The following ABR variants were observed in gnomAD, a reference collection of about 807,000 sequenced individuals.
ABR encodes ABR activator of RhoGEF and GTPase.
Under a neutral mutation model 107.2 loss-of-function variants are expected in ABR, and 35 were observed. That is an observed-to-expected ratio of 0.33 (90% CI 0.25 to 0.43). ABR has a LOEUF of 0.43. Ranked by LOEUF, ABR falls within the 20% of genes least tolerant of loss-of-function variation. ABR has a pLI of 1.00. For missense variants in ABR, 815 were observed against 1,115.2 expected, an observed-to-expected ratio of 0.73 and a Z score of 3.83; for synonymous variants, 498 against 462.0, an observed-to-expected ratio of 1.08 and a Z score of -1.00.
chr17:1,215,460 C>G (rs2042982237), intron 1 of ABR, among the ~76,000 whole-genome samples: 1 of 152,224 alleles, frequency 6.6e-6, no homozygotes, highest in South Asian at 2.1e-4. Flanking sequence ...GGGCTGGTCT[C>G]CAGCTCCTAG....
intron 6 of ABR, among the ~76,000 whole-genome samples, chr17:1,075,038 A>C (rs1000462866): frequency 2.0e-5 from 3 of 152,226 alleles, no homozygotes; most frequent in African/African-American, 7.2e-5. Context: ...CTCACATATG[A>C]GAGCCCCAAA....
Position 1,027,177 on chromosome 17 carries a change from G to A in ABR, c.1792-14013C>T, listed in dbSNP as rs1300973309. Among the ~76,000 whole-genome samples the A allele has an allele frequency of 1.3e-5, 2 of 152,240 alleles. No homozygotes were observed. Among genetic ancestry groups the A allele is most frequent in the East Asian group, 3.8e-4 (2 of 5,198 alleles). On this transcript the variant is annotated intron_variant, in intron 16 of 22. Transcript: ENST00000302538. This position sits in a 1 kb window ranked among gnomAD's most constrained non-coding sequence, Gnocchi z 4.7. ...GCTTTGGCCTTTGAGGAACCCCCTT[G>A]ATTGGCAGGTTCTCCTCTCCCTGGT... is the stretch of plus-strand genomic sequence containing the variant.
chr17:1,158,665 A>T (rs1253066269), intron 1 of ABR, among the ~76,000 whole-genome samples: 1 of 151,816 alleles, frequency 6.6e-6, no homozygotes, highest in East Asian at 2.0e-4. Flanking sequence ...CGGGAGGCTG[A>T]GGTAGGAGAA....
At chr17:1,105,784 T>G (rs904078041) in intron 2 of ABR, among the ~76,000 whole-genome samples, 3 of 151,976 alleles carry the variant, frequency 2.0e-5, no homozygotes, top group East Asian at 1.9e-4. Context: ...GAGGACTGAT[T>G]GAGTCTGGGA....
chr17:1,194,944 G>A (rs1258966799), intron 1 of ABR, among the ~76,000 whole-genome samples: 5 of 143,816 alleles, frequency 3.5e-5, no homozygotes, highest in African/African-American at 1.0e-4. Context: ...GAGCCACCGC[G>A]CCCGACCCTA....
chr17:1,013,116 C>T lies in ABR; in HGVS notation c.1840G>A (p.Glu614Lys). The T allele has an allele frequency of 6.2e-7, 1 of 1,614,164 alleles. No individual in the cohort carries two copies. The highest frequency in any genetic ancestry group is 8.5e-7 in the Non-Finnish European group (1 of 1,180,010). Residue 614 changes from glutamate (E) to lysine (K), a missense_variant, in exon 17 of 23, where the codon GAG (glutamate) becomes AAG (lysine). This residue lies in a region of ABR where 92 missense variants were observed against 82.3 expected (regional missense o/e 1.12). Coordinates refer to ENST00000302538, the MANE Select transcript of ABR (RefSeq NM_021962.5). The stretch of plus-strand genomic sequence containing the variant: ...CATCCCCGGCTCACCCCGTTCATCT[C>T]AATCACGTCCGTGTGCCAGTTCTTG... ...ETKNWHTDVI[E>K]MNGIKVEFSM...
At chr17:1,016,158 T>C (rs759193505) in intron 16 of ABR, among the ~76,000 whole-genome samples, 1 of 152,188 alleles carries the variant, frequency 6.6e-6, no homozygotes, top group African/African-American at 2.4e-5. Context: ...AAATCGCATA[T>C]ATACCTATTA....
chr17:1,011,808 A>ACAGC lies in ABR; in HGVS notation c.2101+34_2101+37dup, dbSNP rs1485517423. 3 of 1,540,844 alleles carry ACAGC rather than the reference A, an allele frequency of 1.9e-6. No individual in the cohort carries two copies. The highest frequency in any genetic ancestry group is 2.7e-5 in the African/African-American group (2 of 73,402). ...GTCCATCCCACCAGCCTGCTCAGAC[A>ACAGC]CAGCCACACCTGCCCCGGCTGGGCC... On this transcript the variant is annotated intron_variant, in intron 19 of 22. Coordinates refer to ENST00000302538, the MANE Select transcript of ABR (RefSeq NM_021962.5). This position sits in a 1 kb window ranked among gnomAD's most constrained non-coding sequence, Gnocchi z 4.8.
At chr17:1,077,328 A>G (rs1442832418) in intron 6 of ABR, among the ~76,000 whole-genome samples, 1 of 152,182 alleles carries the variant, frequency 6.6e-6, no homozygotes, top group Non-Finnish European at 1.5e-5. Context: ...CGGAGACCGA[A>G]GCAACGTGAA....
At chr17:1,219,256 C>G (rs1360079155) in intron 1 of ABR, among the ~76,000 whole-genome samples, 1 of 151,840 alleles carries the variant, frequency 6.6e-6, no homozygotes, top group Non-Finnish European at 1.5e-5. Flanking sequence ...GTTGACCAGG[C>G]AGGTCTCAAA....
At position 1,148,696 on chromosome 17, in the gene ABR, C is replaced by T. The variant is rs573813530; in HGVS notation, c.62-23329G>A. ...AAGCGCTCCCCACCCTTCCCCGGTC[C>T]GTGGAAAAAGTGTCTTCCACGAAGC... On this transcript the variant is annotated intron_variant, in intron 1 of 22. Transcript: ENST00000302538. The surrounding 1 kb of genome is among the most constrained non-coding windows in gnomAD (Gnocchi z 4.9). 4.6e-5 allele frequency among the ~76,000 whole-genome samples: 7 copies of T among 152,142 alleles called. No individual in the cohort carries two copies. In the East Asian group the frequency reaches 5.8e-4, roughly 13 times the overall value.
intron 1 of ABR, among the ~76,000 whole-genome samples, chr17:1,139,105 ATTTCTC>A (rs1311839619): frequency 2.0e-5 from 3 of 146,398 alleles, no homozygotes; most frequent in Admixed American, 1.4e-4. Context: ...CAGTAAAGGA[ATTTCTC>A]TTTCTTTTTT....
intron 1 of ABR, among the ~76,000 whole-genome samples, chr17:1,203,916 T>G (rs2042737205): frequency 6.6e-6 from 1 of 152,080 alleles, no homozygotes; most frequent in South Asian, 2.1e-4. Flanking sequence ...CTCATCTGGA[T>G]TTTACATAAA....
intron 16 of ABR, among the ~76,000 whole-genome samples, chr17:1,014,635 G>A (rs1485413189): frequency 4.0e-5 from 6 of 150,766 alleles, no homozygotes; most frequent in Non-Finnish European, 7.4e-5. Flanking sequence ...TCAGGAGATC[G>A]AGACCATCCT....
intron 1 of ABR, among the ~76,000 whole-genome samples, chr17:1,201,293 C>T (rs750590141): frequency 7.9e-5 from 12 of 152,086 alleles, no homozygotes; most frequent in East Asian, 1.9e-4. Flanking sequence ...GGTGTCACGA[C>T]GTATTGAACC....
At chr17:1,029,634 C>T (rs868619128) in intron 16 of ABR, among the ~76,000 whole-genome samples, 12 of 152,202 alleles carry the variant, frequency 7.9e-5, no homozygotes, top group African/African-American at 2.7e-4. Flanking sequence ...CGAAACGAAA[C>T]TGCCTAGTCC....
rs1412166719 is a variant in ABR at position 1,179,908 on chromosome 17, C to T, written c.-181G>A. The T allele has an allele frequency of 1.8e-6, 1 of 540,918 alleles. No homozygotes were observed. Among genetic ancestry groups the T allele is most frequent in the East Asian group, 3.6e-5 (1 of 27,948 alleles). The allele number at this position is 540,918 out of a possible 1,614,324, so 33.5% of individuals were successfully genotyped here. On this transcript the variant is annotated 5_prime_UTR_variant, in exon 1 of 23. Coordinates refer to ENST00000302538, the MANE Select transcript of ABR (RefSeq NM_021962.5). The surrounding 1 kb of genome is among the most constrained non-coding windows in gnomAD (Gnocchi z 4.9). ...CAGGGGCGAGGGCGGGGCGGGAGCC[C>T]CCAAAACCCTCCCGAACCCTCCCGG...
intron 1 of ABR, among the ~76,000 whole-genome samples, chr17:1,172,692 TG>T (rs1212499400): frequency 5.9e-5 from 9 of 151,530 alleles, no homozygotes; most frequent in South Asian, 2.1e-4. Context: ...GAGGTTGCAG[TG>T]GAGCCGAGAT....
chr17:1,197,478 C>A (rs560171769), intron 1 of ABR, among the ~76,000 whole-genome samples: 1 of 151,638 alleles, frequency 6.6e-6, no homozygotes, highest in Non-Finnish European at 1.5e-5. Context: ...CTCCTCGGAT[C>A]TTAGCCACAG....
Sources: gnomAD v4.1 joint callset for allele counts (sites outside exome capture counted in the v4.1 genomes callset) on GRCh38, gnomAD v4.1.1 for gene constraint, gnomAD v4.1.1 regional missense constraint, Gnocchi (gnomAD v3.1) non-coding constraint, MANE v1.5 for transcripts, NCBI Gene and HGNC (gene_info 2026-07-23, HGNC 2026-07-21) for gene names.